Variants in NAALADL2 observed in about 807,000 individuals in gnomAD.
NAALADL2 encodes inactive N-acetylated-alpha-linked acidic dipeptidase-like protein 2.
Under a neutral mutation model 87.2 loss-of-function variants are expected in NAALADL2, and 76 were observed. That is an observed-to-expected ratio of 0.87 (90% confidence interval 0.72 to 1.05). The LOEUF is 1.05. NAALADL2 is among the 50% of genes least tolerant of loss of function. NAALADL2 has a pLI of 0.00. For synonymous variants in NAALADL2, 354 were observed against 331.0 expected (o/e 1.07, Z -0.75); for missense variants, 1,089 against 945.8 (o/e 1.15, Z -1.99).
At chr3:174,890,259 T>C (rs1031140459) in intron 1 of NAALADL2, among the ~76,000 whole-genome samples, 1 of 152,158 alleles carries the variant, frequency 6.6e-6, no homozygotes, top group African/African-American at 2.4e-5. Context: ...CAGGGTAAAT[T>C]TGAAATGGAG....
Position 175,032,128 on chromosome 3 carries a change from C to G in NAALADL2, c.44-64662C>G, listed in dbSNP as rs533995550. ...AGCTCTTTAGTTTAATTAAGTCCTA[C>G]TTATCAATTTTTATTTTTATTGCAA... On this transcript the variant is annotated intron_variant, in intron 1 of 13. Transcript: ENST00000454872. Among the ~76,000 whole-genome samples, 3 of 151,946 alleles carry G rather than the reference C, an allele frequency of 2.0e-5. No individual in the cohort carries two copies. In the South Asian group the frequency reaches 6.2e-4, roughly 31 times the overall value.
rs563453270 is a variant in NAALADL2, at chr3:175,651,505, G to A, written c.1896+24119G>A. On this transcript the variant is annotated intron_variant, in intron 11 of 13. Coordinates refer to ENST00000454872, the MANE Select transcript of NAALADL2 (RefSeq NM_207015.3). ...ATCACAGCTAATCCAGAGAAAAAGA[G>A]AGTTCAGCTTATTCCTATTATTTAA... Among the ~76,000 whole-genome samples, 183 of 152,242 alleles carry A rather than the reference G, an allele frequency of 1.2e-3. 1 individual carries two copies. The highest frequency in any genetic ancestry group is 2.4e-3 in the Non-Finnish European group (164 of 68,002).
intron 1 of NAALADL2, among the ~76,000 whole-genome samples, chr3:174,465,330 C>A (rs1321213572): frequency 1.3e-5 from 2 of 152,120 alleles, no homozygotes; most frequent in South Asian, 4.2e-4. Flanking sequence ...TCTCCCAAGC[C>A]GGGACTGTTT....
intron 5 of NAALADL2, among the ~76,000 whole-genome samples, chr3:175,348,234 A>G (rs1188010980): frequency 4.6e-5 from 7 of 152,030 alleles, no homozygotes; most frequent in Admixed American, 4.6e-4. Flanking sequence ...TATTTTTAGT[A>G]GAGTCGGGGT....
rs1264520483 is a variant in NAALADL2, at chr3:175,803,404, TG to T, written c.*202del. Reference sequence around the variant, plus strand: ...AATATTTTTCTTATATCTACATTTCTGAATATGTAAAGCAAGTTATTGAAAT... The same window carrying T: ...AATATTTTTCTTATATCTACATTTCTAATATGTAAAGCAAGTTATTGAAAT... On this transcript the variant is annotated 3_prime_UTR_variant, in exon 14 of 14. Transcript: ENST00000454872. 2.1e-5 allele frequency: 8 copies of T among 380,148 alleles called. No individual in the cohort carries two copies. Among genetic ancestry groups the T allele is most frequent in the Non-Finnish European group, 3.3e-5 (7 of 213,470 alleles). 23.5% of individuals were successfully genotyped at this position (380,148 alleles called of 1,614,324 possible). A position where few individuals can be genotyped will look rare whatever the true frequency, so the allele number is the denominator to read the frequency against.
chr3:175,104,043 G>T (rs764042238), intron 2 of NAALADL2, among the ~76,000 whole-genome samples: 15 of 152,078 alleles, frequency 9.9e-5, no homozygotes, highest in Non-Finnish European at 1.8e-4. Context: ...CAGACATTAG[G>T]TTTGTTTACT....
At chr3:174,721,428 T>G (rs1411623203) in intron 2 of NAALADL2, among the ~76,000 whole-genome samples, 1 of 152,156 alleles carries the variant, frequency 6.6e-6, no homozygotes, top group Non-Finnish European at 1.5e-5. Context: ...TCAGCTTTAT[T>G]GCCAGTGAGG....
At chr3:175,158,424 C>G (rs1732638588) in intron 2 of NAALADL2, among the ~76,000 whole-genome samples, 1 of 145,974 alleles carries the variant, frequency 6.9e-6, no homozygotes, top group Non-Finnish European at 1.5e-5. Context: ...GAACCCAAAA[C>G]TTGATGATAC....
intron 3 of NAALADL2, among the ~76,000 whole-genome samples, chr3:174,766,457 T>C (rs1713816286): frequency 6.6e-6 from 1 of 152,170 alleles, no homozygotes; most frequent in African/African-American, 2.4e-5. Context: ...AGGTATGGGA[T>C]GGGTGAAGGT....
chr3:174,932,797 A>T (rs1737114804), intron 1 of NAALADL2, among the ~76,000 whole-genome samples: 1 of 152,188 alleles, frequency 6.6e-6, no homozygotes, highest in Admixed American at 6.5e-5. Context: ...TTAGTGTAAT[A>T]TGTTATTGAG....
At chr3:175,160,635 A>G (rs1391619594) in intron 2 of NAALADL2, among the ~76,000 whole-genome samples, 1 of 151,920 alleles carries the variant, frequency 6.6e-6, no homozygotes, top group African/African-American at 2.4e-5. Context: ...TACAGGCGTG[A>G]GCCACTGTGC....
intron 13 of NAALADL2, among the ~76,000 whole-genome samples, chr3:175,759,844 A>T (rs1305951898): frequency 2.6e-5 from 4 of 152,154 alleles, no homozygotes; most frequent in Non-Finnish European, 5.9e-5. Context: ...GTTAGTGGTT[A>T]TGGAAAGGTA....
chr3:174,878,554 T>G (rs1345913794), intron 1 of NAALADL2, among the ~76,000 whole-genome samples: 2 of 152,142 alleles, frequency 1.3e-5, no homozygotes, highest in Non-Finnish European at 2.9e-5. Context: ...TTTCTTATAT[T>G]GCTCTGCACC....
intron 2 of NAALADL2, among the ~76,000 whole-genome samples, chr3:174,617,660 T>C (rs1720589985): frequency 6.6e-6 from 1 of 151,720 alleles, no homozygotes; most frequent in African/African-American, 2.4e-5. Context: ...TCTTCTATGA[T>C]AGATAATAAT....
chr3:175,143,130 G>A (rs1049061513), intron 2 of NAALADL2, among the ~76,000 whole-genome samples: 6 of 151,844 alleles, frequency 4.0e-5, no homozygotes, highest in Admixed American at 6.6e-5. Context: ...TTCACAAATC[G>A]TAATACTTGC....
At chr3:174,879,332 A>G (rs1160651180) in intron 1 of NAALADL2, among the ~76,000 whole-genome samples, 2 of 152,048 alleles carry the variant, frequency 1.3e-5, no homozygotes, top group Non-Finnish European at 2.9e-5. Context: ...TTCCTAGTTT[A>G]TCCCCTTCAT....
chr3:175,354,489 A>G (rs1243916480), intron 5 of NAALADL2, among the ~76,000 whole-genome samples: 1 of 152,124 alleles, frequency 6.6e-6, no homozygotes, highest in East Asian at 1.9e-4. Context: ...TCATATTCGC[A>G]TGTTATTACA....
At chr3:174,713,300 G>T (rs926605348) in intron 2 of NAALADL2, among the ~76,000 whole-genome samples, 19 of 152,182 alleles carry the variant, frequency 1.2e-4, no homozygotes, top group African/African-American at 2.4e-4. Context: ...ATGATTTATA[G>T]TCCTTTGGGT....
rs1246374992 is a variant in NAALADL2 at position 175,181,747 on chromosome 3, ATATATATGTGTG to A, written c.546-52162_546-52151del. On this transcript the variant is annotated intron_variant, in intron 2 of 13. Coordinates refer to ENST00000454872, the MANE Select transcript of NAALADL2 (RefSeq NM_207015.3). ...TATATGTATATATGTGTATATATGT[ATATATATGTGTG>A]TATATATGTGTGTATATATGTATAT... Among the ~76,000 whole-genome samples the A allele has an allele frequency of 1.5e-3, 46 of 31,630 alleles. 2 individuals carry two copies. Among genetic ancestry groups the A allele is most frequent in the African/African-American group, 1.0e-3 (10 of 9,598 alleles). 20.8% of individuals were successfully genotyped at this position (31,630 alleles called of 152,430 possible).
Sources: gnomAD v4.1 joint callset for allele counts (sites outside exome capture counted in the v4.1 genomes callset) on GRCh38, gnomAD v4.1.1 for gene constraint, MANE v1.5 for transcripts, NCBI Gene and HGNC (gene_info 2026-07-23, HGNC 2026-07-21) for gene names.